The following SNX27 variants were observed in gnomAD, a reference collection of about 807,000 sequenced individuals.
SNX27 encodes sorting nexin-27.
A neutral mutation model predicts 71.6 loss-of-function variants in SNX27; 22 were observed. The ratio of observed to expected loss-of-function variants is 0.31; its 90% confidence interval spans 0.22 to 0.44. The LOEUF (loss-of-function observed/expected upper bound fraction) is 0.44, where lower values mean the gene tolerates loss of function less well. Ranked by LOEUF, SNX27 falls within the 20% of genes least tolerant of loss-of-function variation. The pLI, the probability that SNX27 is intolerant of heterozygous loss-of-function variation, is 1.00. For missense variants in SNX27, 531 were observed against 698.6 expected, an observed-to-expected ratio of 0.76 and a Z score of 2.70; for synonymous variants, 269 against 277.2, an observed-to-expected ratio of 0.97 and a Z score of 0.29.
intron 1 of SNX27, among the ~76,000 whole-genome samples, chr1:151,633,009 C>T (rs11586402): frequency 1.3e-5 from 2 of 151,564 alleles, no homozygotes; most frequent in African/African-American, 2.4e-5. Context: ...GTAGCTGGGA[C>T]TACAGGCGCC....
At chr1:151,682,347 A>AG (rs1671005327) in intron 7 of SNX27, among the ~76,000 whole-genome samples, 1 of 152,154 alleles carries the variant, frequency 6.6e-6, no homozygotes, top group East Asian at 1.9e-4. Context: ...TTTGAGATGG[A>AG]GTCTCGCACT....
At chr1:151,668,712 T>TCTAAGGATTTACAGGG in intron 7 of SNX27, 77 bp downstream of exon 7, 1 of 1,387,928 alleles carries the variant, frequency 7.2e-7, no homozygotes, top group Non-Finnish European at 9.8e-7. Flanking sequence ...CAATTCCCTG[T>TCTAAGGATTTACAGGG]AAATCCTTAG....
intron 2 of SNX27, among the ~76,000 whole-genome samples, chr1:151,649,802 C>T (rs1334359679): frequency 6.6e-6 from 1 of 152,056 alleles, no homozygotes; most frequent in Non-Finnish European, 1.5e-5. Flanking sequence ...ACCTCCTGGG[C>T]TCAAGTGATC....
At chr1:151,656,084 A>G (rs751720806) in intron 2 of SNX27, among the ~76,000 whole-genome samples, 2 of 152,032 alleles carry the variant, frequency 1.3e-5, no homozygotes, top group African/African-American at 4.8e-5. Context: ...TTAGCCGGCC[A>G]TGGTGGTGGG....
chr1:151,634,718 T>C (rs892491977), intron 1 of SNX27, among the ~76,000 whole-genome samples: 1 of 152,176 alleles, frequency 6.6e-6, no homozygotes, highest in African/African-American at 2.4e-5. Flanking sequence ...TTGTGGATTG[T>C]TGGAATTTTT....
intron 2 of SNX27, among the ~76,000 whole-genome samples, chr1:151,653,667 G>A (rs1469147987): frequency 1.3e-5 from 2 of 151,864 alleles, no homozygotes; most frequent in African/African-American, 2.4e-5. Context: ...ACAAGCACAC[G>A]TCATCACATC....
At chr1:151,669,347 ACT>A (rs1244745861) in intron 7 of SNX27, 4 of 152,232 alleles carry the variant, frequency 2.6e-5, no homozygotes, top group Non-Finnish European at 5.9e-5. Context: ...TATAATAAAC[ACT>A]GTCTTTACTT....
intron 7 of SNX27, chr1:151,677,410 G>C (rs1406877584): frequency 1.3e-5 from 2 of 152,084 alleles, no homozygotes; most frequent in African/African-American, 4.8e-5. Flanking sequence ...TATTTTTGGA[G>C]TAGAAAAATC....
At chr1:151,692,775 T>C in intron 9 of SNX27, 136 bp from the exon 10 acceptor site, 3 of 1,391,220 alleles carry the variant, frequency 2.2e-6, no homozygotes. Context: ...TGTATTCTTC[T>C]ATCACAGTCC....
chr1:151,658,959 C>G (rs566051316), intron 3 of SNX27, among the ~76,000 whole-genome samples: 1 of 152,272 alleles, frequency 6.6e-6, no homozygotes, highest in South Asian at 2.1e-4. Flanking sequence ...GCTGGGATTA[C>G]ATGGACCTTT....
chr1:151,621,245 G>C (rs1382370244), intron 1 of SNX27, among the ~76,000 whole-genome samples: 1 of 152,156 alleles, frequency 6.6e-6, no homozygotes. Context: ...TCAAATGCTA[G>C]GTAGTATGTG....
rs1049470018 is a variant in SNX27, at chr1:151,636,605, C to T, written c.312-2283C>T. On this transcript the variant is annotated intron_variant, in intron 1 of 11. Coordinates refer to ENST00000458013, the MANE Select transcript of SNX27 (RefSeq NM_001330723.2). ...CAGGTGTGAGCCACACTGTGCCTAG[C>T]CTGTATCCAAGATATTAGTATTTTG... Among the ~76,000 whole-genome samples the T allele has an allele frequency of 2.7e-5, 4 of 147,658 alleles. No homozygotes were observed. The Admixed American group carries it at 2.7e-4, about 10-fold the overall frequency.
intron 1 of SNX27, among the ~76,000 whole-genome samples, chr1:151,617,271 A>G (rs1667464051): frequency 6.6e-6 from 1 of 151,646 alleles, no homozygotes; most frequent in Non-Finnish European, 1.5e-5. Context: ...AGTTTTATTT[A>G]TTTATTTATT....
chr1:151,693,865 T>C, intron 11 of SNX27: 2 of 1,412,354 alleles, frequency 1.4e-6, no homozygotes, highest in Non-Finnish European at 1.8e-6. Flanking sequence ...TGGCAGTCTT[T>C]CTAGGCGAAC....
intron 8 of SNX27, among the ~76,000 whole-genome samples, chr1:151,685,026 C>T (rs904693488): frequency 5.9e-5 from 9 of 152,048 alleles, no homozygotes; most frequent in African/African-American, 2.2e-4. Context: ...CCAGGCTGGT[C>T]TCGAACTCCA....
chr1:151,636,366 A>T (rs943173742), intron 1 of SNX27, among the ~76,000 whole-genome samples: 8 of 152,178 alleles, frequency 5.3e-5, no homozygotes, highest in African/African-American at 1.9e-4. Context: ...CAGTGGCATG[A>T]TCTAGCTCAC....
At chr1:151,665,802 A>T in intron 5 of SNX27, 131 bp from the exon 6 acceptor site, 1 of 595,706 alleles carries the variant, frequency 1.7e-6, no homozygotes, top group Non-Finnish European at 3.0e-6. Flanking sequence ...ATGGACCATT[A>T]ATGCAATTTT....
chr1:151,689,746 A>G (rs1036847939), intron 8 of SNX27, among the ~76,000 whole-genome samples: 6 of 152,200 alleles, frequency 3.9e-5, no homozygotes, highest in Non-Finnish European at 8.8e-5. Flanking sequence ...TCGAGCATGT[A>G]AAGTTTCTGA....
intron 7 of SNX27, among the ~76,000 whole-genome samples, chr1:151,674,168 A>G (rs920921076): frequency 1.3e-5 from 2 of 151,422 alleles, no homozygotes; most frequent in Non-Finnish European, 2.9e-5. Context: ...TTCTGTGGTG[A>G]TATGATTTAG....
Sources: gnomAD v4.1 joint callset for allele counts (sites outside exome capture counted in the v4.1 genomes callset) on GRCh38, gnomAD v4.1.1 for gene constraint, MANE v1.5 for transcripts, NCBI Gene and HGNC (gene_info 2026-07-23, HGNC 2026-07-21) for gene names.